The following SGSM3 variants were observed in gnomAD, a reference collection of about 807,000 sequenced individuals.
SGSM3 encodes the protein small G protein signaling modulator 3, also known as RUN and SH3 containing 3.
Under a neutral mutation model 100.5 loss-of-function variants are expected in SGSM3, and 96 were observed. The ratio of observed to expected loss-of-function variants is 0.96; its 90% CI spans 0.81 to 1.13. The LOEUF (loss-of-function observed/expected upper bound fraction) is 1.13, where lower values mean the gene tolerates loss of function less well. Among genes scored for constraint, SGSM3 ranks in the 50% most tolerant of loss-of-function variants. The probability of loss-of-function intolerance (pLI) is 0.00; values close to 1 mark genes in which losing one functional copy is unlikely to be tolerated. For missense variants in SGSM3, 1,001 were observed against 1,015.8 expected (o/e 0.99, Z 0.20); for synonymous variants, 483 against 422.8 (o/e 1.14, Z -1.75).
At chr22:40,379,147 C>T (rs1172187121) in intron 1 of SGSM3, among the ~76,000 whole-genome samples, 1 of 152,162 alleles carries the variant, frequency 6.6e-6, no homozygotes, top group African/African-American at 2.4e-5. Context: ...ACTTCTTTCC[C>T]CTCTAGAATG....
At chr22:40,405,886 G>C (rs776314798) in intron 8 of SGSM3, 42 bp downstream of exon 8, 22 of 1,577,644 alleles carry the variant, frequency 1.4e-5, no homozygotes, top group Non-Finnish European at 1.7e-5. Context: ...CTGCAGCTTG[G>C]AGGACTCAGG....
chr22:40,404,102 C>T, intron 4 of SGSM3, 145 bp from the exon 5 acceptor site: 1 of 601,024 alleles, frequency 1.7e-6, no homozygotes, highest in East Asian at 2.9e-5. Flanking sequence ...GTCAGAAAGC[C>T]ATTAGCTATG....
At chr22:40,406,338 C>G in intron 9 of SGSM3, 100 bp from the exon 10 acceptor site, 1 of 1,514,222 alleles carries the variant, frequency 6.6e-7, no homozygotes, top group Non-Finnish European at 8.9e-7. Context: ...ACAACTGTGC[C>G]AAGGCAAACG....
intron 1 of SGSM3, among the ~76,000 whole-genome samples, chr22:40,381,681 G>A (rs1018271859): frequency 2.6e-4 from 39 of 152,266 alleles, no homozygotes; most frequent in African/African-American, 8.7e-4. Flanking sequence ...GGGGCCGGGC[G>A]TAGTGGTTCA....
Position 40,407,933 on chromosome 22 carries a change from C to A in SGSM3, c.1579+90C>A. 1 of 1,458,092 alleles carries A rather than the reference C, an allele frequency of 6.9e-7. No individual in the cohort carries two copies. Among genetic ancestry groups the A allele is most frequent in the Non-Finnish European group, 9.4e-7 (1 of 1,061,412 alleles). 90.3% of individuals were successfully genotyped at this position (1,458,092 alleles called of 1,614,324 possible). The stretch of plus-strand genomic sequence containing the variant: ...TGACCCTGGCCGCCACCAAGCTGTT[C>A]TCCTCTATACACCTGCCTGGCTTGA... On this transcript the variant is annotated intron_variant, in intron 14 of 21. Coordinates refer to ENST00000248929, the MANE Select transcript of SGSM3 (RefSeq NM_015705.6). This position sits in a 1 kb window ranked among gnomAD's most constrained non-coding sequence, Gnocchi z 4.7.
intron 1 of SGSM3, among the ~76,000 whole-genome samples, chr22:40,383,144 A>G (rs1381228099): frequency 6.6e-6 from 1 of 152,178 alleles, no homozygotes; most frequent in Non-Finnish European, 1.5e-5. Context: ...TTTATAGATA[A>G]GGCACCTACA....
At chr22:40,403,909 A>C (rs1166278599) in intron 4 of SGSM3, among the ~76,000 whole-genome samples, 1 of 152,128 alleles carries the variant, frequency 6.6e-6, no homozygotes, top group Non-Finnish European at 1.5e-5. Context: ...GGGTTTGCTG[A>C]TGGACTGAGT....
intron 6 of SGSM3, 67 bp downstream of exon 6, chr22:40,404,731 G>A (rs2051219923): frequency 1.7e-6 from 2 of 1,157,556 alleles, no homozygotes; most frequent in Non-Finnish European, 2.5e-6. Flanking sequence ...GAGGGAGCCT[G>A]CCTGGGGTTC....
intron 1 of SGSM3, among the ~76,000 whole-genome samples, chr22:40,391,949 T>C (rs1350605305): frequency 6.6e-6 from 1 of 152,192 alleles, no homozygotes; most frequent in African/African-American, 2.4e-5. Flanking sequence ...TGGGGGTATA[T>C]CTGTAAAAGC....
chr22:40,408,779 T>A lies in SGSM3; in HGVS notation c.1854-15T>A. ...ACCCAGCCCCGGCACCCCAGGAGCTTTGGTGTCCCCTCAGGTTGGATGAAG... is the reference window on the plus strand; with the variant it reads ...ACCCAGCCCCGGCACCCCAGGAGCTATGGTGTCCCCTCAGGTTGGATGAAG... On this transcript the variant is annotated splice_polypyrimidine_tract_variant and intron_variant, in intron 17 of 21. Transcript: ENST00000248929. 1 of 1,613,710 alleles carries A rather than the reference T, an allele frequency of 6.2e-7. No individual in the cohort carries two copies. Among genetic ancestry groups the A allele is most frequent in the Non-Finnish European group, 8.5e-7 (1 of 1,179,982 alleles).
At chr22:40,375,709 C>A (rs942340072) in intron 1 of SGSM3, among the ~76,000 whole-genome samples, 3 of 151,156 alleles carry the variant, frequency 2.0e-5, no homozygotes. Flanking sequence ...ACTTTTCTCA[C>A]CCTTCTCTAG....
chr22:40,386,315 T>A (rs2048432621), intron 1 of SGSM3, among the ~76,000 whole-genome samples: 1 of 152,162 alleles, frequency 6.6e-6, no homozygotes, highest in Admixed American at 6.5e-5. Flanking sequence ...CATTATTAAG[T>A]GTGAAATAAT....
intron 9 of SGSM3, 48 bp from the exon 10 acceptor site, chr22:40,406,390 C>T: frequency 6.6e-7 from 1 of 1,512,752 alleles, no homozygotes; most frequent in Non-Finnish European, 8.9e-7. Context: ...AGTGCCACGT[C>T]CCTGCAATGA....
intron 3 of SGSM3, 67 bp from the exon 4 acceptor site, chr22:40,402,072 C>A: frequency 8.2e-7 from 1 of 1,216,444 alleles, no homozygotes; most frequent in Non-Finnish European, 1.2e-6. Context: ...CTGTGGGTGG[C>A]ATCTTTCAGA....
At chr22:40,375,062 T>C (rs1250210232) in intron 1 of SGSM3, among the ~76,000 whole-genome samples, 2 of 152,228 alleles carry the variant, frequency 1.3e-5, no homozygotes, top group Non-Finnish European at 2.9e-5. Flanking sequence ...CATTTATACA[T>C]GAGGAGAGAT....
chr22:40,409,993 C>CT lies in SGSM3; in HGVS notation c.*236dup. ...CCAAACCACAGTTTGTACCAAAAACCTTGTGAGGAGGTGGGGGAGCCATGT... is the reference window on the plus strand; with the variant it reads ...CCAAACCACAGTTTGTACCAAAAACCTTTGTGAGGAGGTGGGGGAGCCATGT... On this transcript the variant is annotated 3_prime_UTR_variant, in exon 22 of 22. Coordinates refer to ENST00000248929, the MANE Select transcript of SGSM3 (RefSeq NM_015705.6). 7.5e-7 allele frequency: 1 copy of CT among 1,332,544 alleles called. No individual in the cohort carries two copies. Among genetic ancestry groups the CT allele is most frequent in the Non-Finnish European group, 9.5e-7 (1 of 1,047,446 alleles). The allele number at this position is 1,332,544 out of a possible 1,614,324, so 82.5% of individuals were successfully genotyped here. A position where few individuals can be genotyped will look rare whatever the true frequency, so the allele number is the denominator to read the frequency against.
intron 1 of SGSM3, among the ~76,000 whole-genome samples, chr22:40,386,633 G>A (rs2048510650): frequency 1.4e-5 from 2 of 140,732 alleles, no homozygotes; most frequent in Non-Finnish European, 3.0e-5. Context: ...TGTTGCCCAG[G>A]CTGGTCTTGA....
At position 40,405,177 on chromosome 22, in the gene SGSM3, G is replaced by C. The variant is rs144524421; in HGVS notation, c.511G>C (p.Ala171Pro). Residue 171 changes from alanine (A) to proline (P), a missense_variant, in exon 7 of 22, where the codon GCC becomes CCC. Ala to Pro is a conservative substitution (Grantham distance 27). Coordinates refer to ENST00000248929, the MANE Select transcript of SGSM3 (RefSeq NM_015705.6). ...CCTGCTCCGCACCATGCCCAGCAAC[G>C]CCTGCTTCGCCAGCATGGGTAGCAT... Reference protein sequence around the residue: ...KDLLRTMPSNACFASMGSIGV... With the variant: ...KDLLRTMPSNPCFASMGSIGV... 4 of 1,571,610 alleles carry C rather than the reference G, an allele frequency of 2.5e-6. No homozygotes were observed. The highest frequency in any genetic ancestry group is 2.6e-6 in the Non-Finnish European group (3 of 1,157,966).
In SGSM3 at chr22:40,409,492, C is replaced by G. The variant is rs373895264; in HGVS notation, c.2139C>G (p.Leu713=). ...TCCTCTGCTGCTTTGCCTTCAGCCT[C>G]TCCCAGGACTGGGAGCTCCCTGCGA... ...LRVLCCFAFS[L]SQDWELPAKR... is the part of the protein sequence containing the mutation. The change falls in exon 21 of 22, where the codon CTC becomes CTG. Residue 713 remains leucine, a synonymous_variant. Coordinates refer to ENST00000248929, the MANE Select transcript of SGSM3 (RefSeq NM_015705.6). The G allele has an allele frequency of 1.9e-6, 3 of 1,590,058 alleles. No homozygotes were observed. The highest frequency in any genetic ancestry group is 1.7e-4 in the Middle Eastern group (1 of 5,972).
Sources: allele counts gnomAD v4.1 joint callset (sites outside exome capture counted in the v4.1 genomes callset), GRCh38; gene constraint gnomAD v4.1.1; non-coding constraint Gnocchi (gnomAD v3.1); transcripts MANE v1.5; gene names NCBI Gene and HGNC (gene_info 2026-07-23, HGNC 2026-07-21).